The following HOMER2 variants were observed in gnomAD, a reference collection of about 807,000 sequenced individuals.
The protein encoded by HOMER2 is homer protein homolog 2.
A neutral mutation model predicts 47.0 loss-of-function variants in HOMER2; 27 were observed. That is an observed-to-expected ratio of 0.57 (90% confidence interval 0.42 to 0.79). The LOEUF is 0.79. Ranked by LOEUF, HOMER2 falls within the 30% of genes least tolerant of loss-of-function variation. The pLI is 0.00. For synonymous variants in HOMER2, 161 were observed against 163.8 expected (o/e 0.98, Z 0.13); for missense variants, 443 against 435.0 (o/e 1.02, Z -0.16).
At chr15:82,971,964 A>G (rs537666646) in intron 1 of HOMER2, among the ~76,000 whole-genome samples, 2 of 152,294 alleles carry the variant, frequency 1.3e-5, no homozygotes, top group East Asian at 3.9e-4. Context: ...GTGCCATATT[A>G]TCCTGGGGTT....
At chr15:82,903,686 CCCA>C (rs1240175779) in intron 1 of HOMER2, among the ~76,000 whole-genome samples, 1 of 152,068 alleles carries the variant, frequency 6.6e-6, no homozygotes, top group African/African-American at 2.4e-5. Flanking sequence ...CACGCCACAC[CCCA>C]CATCAAGTAA....
chr15:82,974,375 G>A (rs144412737), intron 1 of HOMER2, among the ~76,000 whole-genome samples: 5 of 151,022 alleles, frequency 3.3e-5, no homozygotes, highest in South Asian at 2.1e-4. Flanking sequence ...TTGCACTCCC[G>A]CCTGGGCAAC....
intron 1 of HOMER2, among the ~76,000 whole-genome samples, chr15:82,964,690 G>A (rs2054657958): frequency 6.6e-6 from 1 of 152,098 alleles, no homozygotes; most frequent in African/African-American, 2.4e-5. Context: ...TGCTTGAACT[G>A]GGGAGGCAGA....
chr15:82,930,741 T>G (rs2053984371), intron 1 of HOMER2, among the ~76,000 whole-genome samples: 1 of 152,198 alleles, frequency 6.6e-6, no homozygotes, highest in Non-Finnish European at 1.5e-5. Flanking sequence ...AAACTTGCAT[T>G]CTGGCTGGGT....
chr15:82,957,579 A>G (rs1007014506), upstream of HOMER2, among the ~76,000 whole-genome samples: 1 of 152,174 alleles, frequency 6.6e-6, no homozygotes, highest in African/African-American at 2.4e-5. Flanking sequence ...AGAGCCCTCC[A>G]TAGATTCAGG....
intron 1 of HOMER2, among the ~76,000 whole-genome samples, chr15:82,901,727 G>A (rs2053123880): frequency 6.6e-6 from 1 of 152,222 alleles, no homozygotes. Flanking sequence ...TTAACTCGGG[G>A]CCAGCATCTC....
chr15:82,921,296 C>T (rs551002147), intron 1 of HOMER2, among the ~76,000 whole-genome samples: 21 of 152,178 alleles, frequency 1.4e-4, no homozygotes, highest in Middle Eastern at 3.4e-3. Context: ...TCAAAAAAAA[C>T]AGGTTTTCCC....
intron 1 of HOMER2, among the ~76,000 whole-genome samples, chr15:82,916,663 G>T (rs532178708): frequency 5.0e-4 from 76 of 152,254 alleles, no homozygotes; most frequent in African/African-American, 1.8e-3. Flanking sequence ...AGGGGGAGAG[G>T]TTAAGTACTC....
intron 1 of HOMER2, among the ~76,000 whole-genome samples, chr15:82,961,944 A>G (rs183901564): frequency 0.034 from 5,240 of 151,968 alleles, 272 homozygotes; most frequent in African/African-American, 0.12. Context: ...TTGTATTTTT[A>G]GTAGAGATGG....
upstream of HOMER2, among the ~76,000 whole-genome samples, chr15:82,954,573 G>C (rs2054568327): frequency 6.6e-6 from 1 of 151,170 alleles, no homozygotes; most frequent in African/African-American, 2.4e-5. Flanking sequence ...ACAGGCATGA[G>C]CCACCGTGCC....
chr15:82,893,485 A>G (rs1191182398), intron 1 of HOMER2, among the ~76,000 whole-genome samples: 1 of 151,862 alleles, frequency 6.6e-6, no homozygotes, highest in African/African-American at 2.4e-5. Context: ...GGCGTGTGCC[A>G]CTGCGCTCAG....
At chr15:82,902,245 T>C (rs2053145210) in intron 1 of HOMER2, among the ~76,000 whole-genome samples, 1 of 147,244 alleles carries the variant, frequency 6.8e-6, no homozygotes, top group African/African-American at 2.5e-5. Flanking sequence ...TCACCCAGGC[T>C]GTAATGCAGT....
chr15:82,896,615 A>G (rs2052927807), intron 1 of HOMER2, among the ~76,000 whole-genome samples: 1 of 152,212 alleles, frequency 6.6e-6, no homozygotes, highest in South Asian at 2.1e-4. Context: ...GGGGTACTGC[A>G]GGGCCTCCTG....
chr15:82,834,841 ATTTG>A (rs1389009101), downstream of HOMER2: 2 of 152,344 alleles, frequency 1.3e-5, no homozygotes, highest in African/African-American at 4.8e-5. Flanking sequence ...TTAGCTAAAC[ATTTG>A]TTTAAGTGAA....
At chr15:82,876,855 C>A (rs1367097868) in intron 2 of HOMER2, among the ~76,000 whole-genome samples, 2 of 152,176 alleles carry the variant, frequency 1.3e-5, no homozygotes, top group African/African-American at 4.8e-5. Flanking sequence ...AGATACAAAC[C>A]GTTGCCTTAA....
At chr15:82,936,029 C>T (rs984058219) in intron 1 of HOMER2, among the ~76,000 whole-genome samples, 2 of 152,206 alleles carry the variant, frequency 1.3e-5, no homozygotes, top group Non-Finnish European at 2.9e-5. Context: ...AGCTCAATTT[C>T]GTCCTCGCAT....
chr15:82,923,227 T>C (rs950663026), intron 1 of HOMER2, among the ~76,000 whole-genome samples: 5 of 152,046 alleles, frequency 3.3e-5, no homozygotes, highest in Non-Finnish European at 4.4e-5. Flanking sequence ...GGCTCACACC[T>C]ATAATCCCAA....
Position 82,849,021 on chromosome 15 carries a change from C to T in HOMER2, c.*694G>A, listed in dbSNP as rs1453509005. On this transcript the variant is annotated 3_prime_UTR_variant, in exon 9 of 9. Coordinates refer to ENST00000450735, the MANE Select transcript of HOMER2 (RefSeq NM_004839.4). ...ATATTTATTAAGCACCTACTTTGTGCCAGACATTGTGCTAGGCACCCTCAC... is the reference window on the plus strand; with the variant it reads ...ATATTTATTAAGCACCTACTTTGTGTCAGACATTGTGCTAGGCACCCTCAC... The T allele has an allele frequency of 1.3e-5, 2 of 152,134 alleles. No individual in the cohort carries two copies. The highest frequency in any genetic ancestry group is 4.8e-5 in the African/African-American group (2 of 41,412). 9.4% of individuals were successfully genotyped at this position (152,134 alleles called of 1,614,324 possible).
At chr15:82,972,412 G>A (rs1364618569) in intron 1 of HOMER2, among the ~76,000 whole-genome samples, 2 of 152,188 alleles carry the variant, frequency 1.3e-5, no homozygotes, top group African/African-American at 4.8e-5. Context: ...CCATGGCCAC[G>A]TCGGCCATGG....
Sources: allele counts gnomAD v4.1 joint callset (sites outside exome capture counted in the v4.1 genomes callset), GRCh38; gene constraint gnomAD v4.1.1; transcripts MANE v1.5; gene names NCBI Gene and HGNC (gene_info 2026-07-23, HGNC 2026-07-21).